COL21A1: variants seen among roughly 807,000 people sequenced by gnomAD.
The protein encoded by COL21A1 is collagen type XXI alpha 1 chain.
In COL21A1, 149 loss-of-function variants were observed where a neutral mutation model predicts 137.9. The ratio of observed to expected loss-of-function variants is 1.08; its 90% CI spans 0.95 to 1.24. The LOEUF is 1.24. Among genes scored for constraint, COL21A1 ranks in the 50% most tolerant of loss-of-function variants. The probability of loss-of-function intolerance (pLI) is 0.00; values close to 1 mark genes in which losing one functional copy is unlikely to be tolerated. For synonymous variants in COL21A1, 456 were observed against 391.5 expected (o/e 1.16, Z -1.95); for missense variants, 1,167 against 1,158.4 (o/e 1.01, Z -0.11).
intron 1 of COL21A1, among the ~76,000 whole-genome samples, chr6:56,355,834 C>T (rs1765816109): frequency 6.6e-6 from 1 of 152,070 alleles, no homozygotes; most frequent in South Asian, 2.1e-4. Flanking sequence ...TGGCAATTCC[C>T]TGTAACAATA....
intron 10 of COL21A1, among the ~76,000 whole-genome samples, chr6:56,149,930 G>A (rs1469790921): frequency 6.6e-6 from 1 of 152,028 alleles, no homozygotes; most frequent in Admixed American, 6.6e-5. Context: ...AATCACATCG[G>A]TCTCCTACTC....
At chr6:56,097,917 A>AAATATATG (rs1562188574) in intron 17 of COL21A1, among the ~76,000 whole-genome samples, 43 of 26,568 alleles carry the variant, frequency 1.6e-3, no homozygotes, top group East Asian at 2.6e-3. Context: ...ATAAATATAT[A>AAATATATG]TAAATATATA....
At chr6:56,081,523 T>C (rs1030406979) in intron 17 of COL21A1, among the ~76,000 whole-genome samples, 1 of 151,280 alleles carries the variant, frequency 6.6e-6, no homozygotes, top group African/African-American at 2.4e-5. Context: ...ATATTTGTAG[T>C]TGAACCCTGC....
intron 7 of COL21A1, among the ~76,000 whole-genome samples, 161 bp from the exon 8 acceptor site, chr6:56,164,983 T>G (rs748535132): frequency 6.6e-6 from 1 of 152,204 alleles, no homozygotes; most frequent in Non-Finnish European, 1.5e-5. Flanking sequence ...AAAAGTCACC[T>G]ATCTATACAT....
intron 1 of COL21A1, among the ~76,000 whole-genome samples, chr6:56,219,623 T>A (rs1375878724): frequency 1.3e-5 from 2 of 152,084 alleles, no homozygotes; most frequent in East Asian, 3.9e-4. Flanking sequence ...AACAAAAAAA[T>A]TGCAATAAAG....
intron 1 of COL21A1, among the ~76,000 whole-genome samples, chr6:56,201,142 G>A (rs1196893610): frequency 6.6e-6 from 1 of 152,040 alleles, no homozygotes; most frequent in African/African-American, 2.4e-5. Context: ...CCCACTTTTT[G>A]ATGGGGTTGT....
intron 1 of COL21A1, among the ~76,000 whole-genome samples, chr6:56,226,325 A>G (rs1781191993): frequency 6.6e-6 from 1 of 152,012 alleles, no homozygotes; most frequent in Non-Finnish European, 1.5e-5. Context: ...TTTTTACAAA[A>G]TGTTCCTCGT....
At chr6:56,188,509 C>T (rs1250211290) in intron 1 of COL21A1, among the ~76,000 whole-genome samples, 1 of 152,196 alleles carries the variant, frequency 6.6e-6, no homozygotes. Context: ...AGATAAAACT[C>T]CCATCTCCCT....
chr6:56,266,676 A>G (rs1306195642), intron 1 of COL21A1, among the ~76,000 whole-genome samples: 1 of 152,252 alleles, frequency 6.6e-6, no homozygotes, highest in African/African-American at 2.4e-5. Context: ...AATAGAACAA[A>G]TAGATCTGTA....
At chr6:56,149,478 T>C (rs1048669056) in intron 10 of COL21A1, among the ~76,000 whole-genome samples, 2 of 152,080 alleles carry the variant, frequency 1.3e-5, no homozygotes, top group African/African-American at 4.8e-5. Flanking sequence ...CTATAGAAAA[T>C]AGGCAAAGGA....
chr6:56,376,469 T>G (rs1581788346), intron 1 of COL21A1, among the ~76,000 whole-genome samples: 1 of 150,796 alleles, frequency 6.6e-6, no homozygotes, highest in Non-Finnish European at 1.5e-5. Flanking sequence ...TAATGAAATG[T>G]GAGAATATTT....
intron 23 of COL21A1, among the ~76,000 whole-genome samples, chr6:56,066,387 A>T (rs1055696501): frequency 3.3e-5 from 5 of 151,912 alleles, no homozygotes; most frequent in African/African-American, 1.2e-4. Context: ...ATTTTCTGTT[A>T]CGATTCCAGA....
intron 6 of COL21A1, among the ~76,000 whole-genome samples, chr6:56,167,349 G>A (rs1439389210): frequency 6.6e-6 from 1 of 152,174 alleles, no homozygotes; most frequent in African/African-American, 2.4e-5. Context: ...TGATGGTATA[G>A]GGTGGACTCA....
At chr6:56,162,535 A>T (rs985287314) in intron 9 of COL21A1, among the ~76,000 whole-genome samples, 2 of 152,188 alleles carry the variant, frequency 1.3e-5, no homozygotes, top group Non-Finnish European at 2.9e-5. Context: ...CTATTGGACC[A>T]CAAATGACAA....
Position 56,059,113 on chromosome 6 carries a change from T to C in COL21A1, c.2686+52A>G. On this transcript the variant is annotated intron_variant, in intron 29 of 29. Transcript: ENST00000244728. ...TATTTCACATAGATCTATGATGACT[T>C]TTCTTAAAGCAAAATGAGCAGTAAC... is the stretch of plus-strand genomic sequence containing the variant. 1.4e-6 allele frequency: 2 copies of C among 1,426,550 alleles called. 1 individual carries two copies. The highest frequency in any genetic ancestry group is 2.3e-5 in the South Asian group (2 of 85,218). 88.4% of individuals were successfully genotyped at this position (1,426,550 alleles called of 1,614,324 possible). A position where few individuals can be genotyped will look rare whatever the true frequency, so the allele number is the denominator to read the frequency against.
chr6:56,058,989 A>C (rs904266220), intron 29 of COL21A1, among the ~76,000 whole-genome samples, 176 bp downstream of exon 29: 1 of 152,336 alleles, frequency 6.6e-6, no homozygotes, highest in African/African-American at 2.4e-5. Context: ...AAGGATTCAT[A>C]AATTGAGGAT....
intron 6 of COL21A1, 68 bp from the exon 7 acceptor site, chr6:56,167,051 A>T: frequency 1.9e-6 from 2 of 1,060,634 alleles, no homozygotes; most frequent in South Asian, 2.7e-5. Flanking sequence ...AGCAACTCAG[A>T]TACATAGAAA....
At chr6:56,350,988 A>G (rs1438505261) in intron 1 of COL21A1, among the ~76,000 whole-genome samples, 1 of 152,256 alleles carries the variant, frequency 6.6e-6, no homozygotes, top group Non-Finnish European at 1.5e-5. Context: ...TTAAATGGCT[A>G]TGGTGCTGGA....
At chr6:56,378,216 C>T (rs952659706) in intron 1 of COL21A1, among the ~76,000 whole-genome samples, 2 of 152,162 alleles carry the variant, frequency 1.3e-5, no homozygotes, top group African/African-American at 4.8e-5. Context: ...CAGACTTTGA[C>T]ATGCACCTTA....
Sources: gnomAD v4.1 joint callset for allele counts (sites outside exome capture counted in the v4.1 genomes callset) on GRCh38, gnomAD v4.1.1 for gene constraint, MANE v1.5 for transcripts, NCBI Gene and HGNC (gene_info 2026-07-23, HGNC 2026-07-21) for gene names.